PLA2G4A: variants seen among roughly 807,000 people sequenced by gnomAD.
PLA2G4A encodes cytosolic phospholipase A2.
In PLA2G4A, 40 loss-of-function variants were observed where a neutral mutation model predicts 81.9. The ratio of observed to expected loss-of-function variants is 0.49; its 90% CI spans 0.38 to 0.64. The LOEUF (loss-of-function observed/expected upper bound fraction) is 0.64, where lower values mean the gene tolerates loss of function less well. Among genes scored for constraint, PLA2G4A ranks in the 30% least tolerant of loss-of-function variants. The probability of loss-of-function intolerance (pLI) is 0.00; values close to 1 mark genes in which losing one functional copy is unlikely to be tolerated. For synonymous variants in PLA2G4A, 302 were observed against 296.9 expected (o/e 1.02, Z -0.18); for missense variants, 715 against 905.1 (o/e 0.79, Z 2.69).
intron 3 of PLA2G4A, among the ~76,000 whole-genome samples, chr1:186,874,143 A>T (rs142107611): frequency 6.6e-6 from 1 of 152,074 alleles, no homozygotes; most frequent in African/African-American, 2.4e-5. Context: ...GTTGGGTGCT[A>T]AATGTTGGGT....
intron 1 of PLA2G4A, among the ~76,000 whole-genome samples, chr1:186,832,126 T>A (rs919609130): frequency 6.6e-6 from 1 of 152,122 alleles, no homozygotes; most frequent in African/African-American, 2.4e-5. Flanking sequence ...TTATATCTTG[T>A]TGGATATTTA....
chr1:186,921,059 G>A (rs1229169412), intron 7 of PLA2G4A, among the ~76,000 whole-genome samples: 2 of 152,118 alleles, frequency 1.3e-5, no homozygotes, highest in African/African-American at 2.4e-5. Context: ...TCTTTTCCTT[G>A]GGTGACCTCA....
intron 3 of PLA2G4A, among the ~76,000 whole-genome samples, chr1:186,891,501 C>A (rs1295415264): frequency 6.6e-6 from 1 of 152,096 alleles, no homozygotes; most frequent in East Asian, 1.9e-4. Context: ...CTGCCCCCTC[C>A]ATGGGTTCAA....
intron 3 of PLA2G4A, among the ~76,000 whole-genome samples, chr1:186,879,753 G>A (rs1019378854): frequency 1.3e-5 from 2 of 151,272 alleles, no homozygotes; most frequent in African/African-American, 4.8e-5. Context: ...CATACTTTAT[G>A]TATTCATTTC....
intron 8 of PLA2G4A, among the ~76,000 whole-genome samples, chr1:186,937,560 A>G (rs562472881): frequency 6.6e-6 from 1 of 151,142 alleles, no homozygotes; most frequent in Non-Finnish European, 1.5e-5. Context: ...AATCATTTAA[A>G]GTTTTTTTTT....
chr1:186,906,029 A>G (rs1274891529), intron 5 of PLA2G4A, among the ~76,000 whole-genome samples: 2 of 152,206 alleles, frequency 1.3e-5, no homozygotes, highest in Admixed American at 1.3e-4. Flanking sequence ...TCCTCTGCAC[A>G]TTTCAAGAGG....
At chr1:186,855,602 T>C (rs1435778238) in intron 2 of PLA2G4A, among the ~76,000 whole-genome samples, 1 of 152,000 alleles carries the variant, frequency 6.6e-6, no homozygotes, top group Non-Finnish European at 1.5e-5. Context: ...CATGGGTAAG[T>C]TCTGCTTATT....
At chr1:186,985,100 C>T (rs758231621) in intron 17 of PLA2G4A, among the ~76,000 whole-genome samples, 1 of 152,148 alleles carries the variant, frequency 6.6e-6, no homozygotes, top group Non-Finnish European at 1.5e-5. Flanking sequence ...TCTAGCCAGG[C>T]CAGAATGAAT....
intron 13 of PLA2G4A, among the ~76,000 whole-genome samples, chr1:186,953,955 A>T (rs1389777549): frequency 1.5e-5 from 1 of 65,238 alleles, no homozygotes; most frequent in Admixed American, 1.5e-4. Flanking sequence ...CTAGTAAAAG[A>T]CATATTTTGT....
intron 2 of PLA2G4A, among the ~76,000 whole-genome samples, chr1:186,865,032 A>ACT (rs1280007227): frequency 6.6e-6 from 1 of 150,670 alleles, no homozygotes; most frequent in East Asian, 1.9e-4. Context: ...GATCCACTGA[A>ACT]CTCTAGCCTG....
intron 1 of PLA2G4A, among the ~76,000 whole-genome samples, chr1:186,830,563 G>A (rs1309277989): frequency 7.4e-6 from 1 of 135,344 alleles, no homozygotes; most frequent in Non-Finnish European, 1.5e-5. Context: ...AGCCAAGATC[G>A]CGCCATTGCA....
intron 2 of PLA2G4A, among the ~76,000 whole-genome samples, chr1:186,868,265 A>G (rs1653109456): frequency 1.3e-5 from 2 of 151,728 alleles, no homozygotes. Flanking sequence ...TTTAGTAGAG[A>G]TGGGGTTTCA....
intron 1 of PLA2G4A, among the ~76,000 whole-genome samples, chr1:186,852,580 C>T (rs74137523): frequency 0.014 from 2,149 of 151,948 alleles, 62 homozygotes; most frequent in African/African-American, 0.047. Context: ...AGCCATTGTC[C>T]AGAGGAGATG....
chr1:186,842,162 C>T (rs1652007600), intron 1 of PLA2G4A, among the ~76,000 whole-genome samples: 1 of 151,812 alleles, frequency 6.6e-6, no homozygotes, highest in Admixed American at 6.6e-5. Context: ...CCTGCCTCAG[C>T]CTCCTGAATA....
chr1:186,833,273 G>A (rs1422060186), intron 1 of PLA2G4A, among the ~76,000 whole-genome samples: 1 of 152,048 alleles, frequency 6.6e-6, no homozygotes, highest in Admixed American at 6.6e-5. Flanking sequence ...GCATGCACCT[G>A]TAATCCAGCA....
At chr1:186,891,924 C>A (rs1160998683) in intron 3 of PLA2G4A, among the ~76,000 whole-genome samples, 1 of 152,126 alleles carries the variant, frequency 6.6e-6, no homozygotes, top group Non-Finnish European at 1.5e-5. Context: ...CAACATTATA[C>A]AAGAGATCCC....
At chr1:186,877,559 A>G (rs1653546857) in intron 3 of PLA2G4A, among the ~76,000 whole-genome samples, 2 of 151,860 alleles carry the variant, frequency 1.3e-5, no homozygotes, top group African/African-American at 2.4e-5. Context: ...GGAGAATGGT[A>G]TCTCCATTGT....
Position 186,840,358 on chromosome 1 carries a change from T to C in PLA2G4A, c.-70+11323T>C, listed in dbSNP as rs1182761196. ...CTAGGTTTCTTGTTCTTTTCAAAAG[T>C]GAATTGCCATCACAGTGTCTAAAAT... On this transcript the variant is annotated intron_variant, in intron 1 of 17. Coordinates refer to ENST00000367466, the MANE Select transcript of PLA2G4A (RefSeq NM_024420.3). Among the ~76,000 whole-genome samples, 5 of 152,248 alleles carry C rather than the reference T, an allele frequency of 3.3e-5. No individual in the cohort carries two copies. The East Asian group carries it at 9.6e-4, about 29-fold the overall frequency.
chr1:186,829,914 G>A (rs1211849660), intron 1 of PLA2G4A, among the ~76,000 whole-genome samples: 1 of 152,142 alleles, frequency 6.6e-6, no homozygotes. Flanking sequence ...TATTAGAGGC[G>A]TACTGTCTGA....
Sources: gnomAD v4.1 joint callset for allele counts (sites outside exome capture counted in the v4.1 genomes callset) on GRCh38, gnomAD v4.1.1 for gene constraint, MANE v1.5 for transcripts, NCBI Gene and HGNC (gene_info 2026-07-23, HGNC 2026-07-21) for gene names.